Variants in VPS13A observed in about 807,000 individuals in gnomAD.
VPS13A encodes the protein intermembrane lipid transfer protein VPS13A.
A neutral mutation model predicts 390.9 loss-of-function variants in VPS13A; 264 were observed. That is an observed-to-expected ratio of 0.68 (90% CI 0.61 to 0.75). The LOEUF (loss-of-function observed/expected upper bound fraction) is 0.75, where lower values mean the gene tolerates loss of function less well. Ranked by LOEUF, VPS13A falls within the 30% of genes least tolerant of loss-of-function variation. The pLI is 0.00. For synonymous variants in VPS13A, 1,231 were observed against 1,227.1 expected (o/e 1.00, Z -0.07); for missense variants, 3,409 against 3,733.9 (o/e 0.91, Z 2.27).
intron 5 of VPS13A, among the ~76,000 whole-genome samples, chr9:77,207,294 C>T (rs1212703431): frequency 8.3e-6 from 1 of 119,770 alleles, no homozygotes; most frequent in Admixed American, 1.0e-4. Flanking sequence ...TTATCTATAA[C>T]ATAACATATT....
At chr9:77,299,077 G>C (rs1220741560) in intron 33 of VPS13A, among the ~76,000 whole-genome samples, 1 of 152,074 alleles carries the variant, frequency 6.6e-6, no homozygotes, top group African/African-American at 2.4e-5. Flanking sequence ...GTAGATGCGT[G>C]GTGTTATTTC....
chr9:77,214,493 ATAGT>A (rs1313894708), intron 10 of VPS13A, 107 bp downstream of exon 10: 5 of 824,104 alleles, frequency 6.1e-6, no homozygotes, highest in East Asian at 2.9e-5. Flanking sequence ...TTCCTTCTAT[ATAGT>A]TAAATGTATT....
chr9:77,344,008 G>C, intron 50 of VPS13A, 145 bp from the exon 51 acceptor site: 1 of 716,494 alleles, frequency 1.4e-6, no homozygotes, highest in South Asian at 2.1e-5. Context: ...AAAGTTTACA[G>C]CTGTTTAAAC....
At chr9:77,222,719 T>C (rs1823293056) in intron 13 of VPS13A, among the ~76,000 whole-genome samples, 1 of 152,208 alleles carries the variant, frequency 6.6e-6, no homozygotes, top group African/African-American at 2.4e-5. Flanking sequence ...ATCAGTGATC[T>C]TTGCTGTTAC....
chr9:77,343,311 C>T (rs1381436259), intron 50 of VPS13A, among the ~76,000 whole-genome samples: 1 of 152,174 alleles, frequency 6.6e-6, no homozygotes, highest in Non-Finnish European at 1.5e-5. Flanking sequence ...TCCATTAATT[C>T]CATTTTATGG....
chr9:77,255,883 T>G (rs1187553448), intron 22 of VPS13A, among the ~76,000 whole-genome samples: 1 of 152,090 alleles, frequency 6.6e-6, no homozygotes, highest in African/African-American at 2.4e-5. Flanking sequence ...AATTGAGTCT[T>G]TTCTGTTTTT....
At chr9:77,212,917 C>A in intron 7 of VPS13A, 52 bp from the exon 8 acceptor site, 1 of 1,565,694 alleles carries the variant, frequency 6.4e-7, no homozygotes, top group Non-Finnish European at 8.8e-7. Flanking sequence ...TATTACTCTG[C>A]TGTTTCAAAT....
At chr9:77,304,645 A>G (rs1206750912) in intron 34 of VPS13A, among the ~76,000 whole-genome samples, 1 of 152,222 alleles carries the variant, frequency 6.6e-6, no homozygotes, top group African/African-American at 2.4e-5. Flanking sequence ...TAAGTTGAAA[A>G]TGAAAATGGC....
intron 1 of VPS13A, among the ~76,000 whole-genome samples, chr9:77,183,294 A>C (rs769474049): frequency 2.0e-5 from 3 of 152,336 alleles, no homozygotes; most frequent in Admixed American, 6.5e-5. Flanking sequence ...CATGCAGGTA[A>C]CAATCATCAC....
intron 45 of VPS13A, among the ~76,000 whole-genome samples, chr9:77,324,705 A>G (rs11145387): frequency 0.2 from 30,598 of 151,948 alleles, 3,296 homozygotes; most frequent in Middle Eastern, 0.26. Flanking sequence ...CTTTTCTTGA[A>G]TCTTGCTCTG....
chr9:77,239,122 G>GA (rs1409594714), intron 19 of VPS13A, among the ~76,000 whole-genome samples: 1 of 151,344 alleles, frequency 6.6e-6, no homozygotes, highest in Non-Finnish European at 1.5e-5. Context: ...AGAAATACAT[G>GA]AAAAATGCCT....
Position 77,405,898 on chromosome 9 carries a change from C to G in VPS13A, c.9310C>G (p.Gln3104Glu). ...VLFVTKGTFG[Q>E]LTCEWQYSFD... ...GTTTGTAACAAAGGGAACATTTGGA[C>G]AACTCACGTGTGAGTGGCAGTATAG... The change falls in exon 70 of 72, where the codon CAA becomes GAA. Residue 3104 changes from glutamine to glutamate, a missense_variant. Physicochemically the swap from Gln to Glu is conservative, Grantham distance 29. Around this residue, in one of 5 missense-constraint regions of VPS13A, gnomAD observed 318 missense variants for 333.7 expected, o/e 0.95. Coordinates refer to ENST00000360280, the MANE Select transcript of VPS13A (RefSeq NM_033305.3). 2.5e-6 allele frequency: 4 copies of G among 1,613,858 alleles called. No homozygotes were observed. The highest frequency in any genetic ancestry group is 1.1e-5 in the South Asian group (1 of 91,080).
chr9:77,268,755 C>G (rs1165957196), intron 23 of VPS13A, among the ~76,000 whole-genome samples: 2 of 152,042 alleles, frequency 1.3e-5, no homozygotes, highest in Admixed American at 6.5e-5. Context: ...GCCTGGCCAA[C>G]ATGGTGGAAC....
chr9:77,263,437 C>T (rs1465368945), intron 23 of VPS13A, among the ~76,000 whole-genome samples: 1 of 152,138 alleles, frequency 6.6e-6, no homozygotes, highest in Non-Finnish European at 1.5e-5. Flanking sequence ...GACCGACATT[C>T]TAACTGGCAT....
At chr9:77,272,239 G>A (rs1277039882) in intron 23 of VPS13A, among the ~76,000 whole-genome samples, 1 of 152,186 alleles carries the variant, frequency 6.6e-6, no homozygotes, top group Non-Finnish European at 1.5e-5. Context: ...CCTAAGCATT[G>A]TGAGGATATG....
intron 48 of VPS13A, 110 bp from the exon 49 acceptor site, chr9:77,340,068 G>T: frequency 7.5e-7 from 1 of 1,330,738 alleles, no homozygotes; most frequent in East Asian, 2.4e-5. Flanking sequence ...TAAAGGTTTA[G>T]TGCATTAACA....
Position 77,318,400 on chromosome 9 carries a change from A to G in VPS13A, c.5122A>G (p.Lys1708Glu). Residue 1708 changes from lysine (K) to glutamate (E), a missense_variant, in exon 41 of 72, where the codon AAA becomes GAA. By Grantham distance (56) the Lys-to-Glu change is moderately conservative. Around this residue, in one of 5 missense-constraint regions of VPS13A, gnomAD observed 2,717 missense variants for 2,917.4 expected, o/e 0.93. Transcript: ENST00000360280. Reference protein sequence around the residue: ...WFLEESNETEKIAPTTELVPK... With the variant: ...WFLEESNETEEIAPTTELVPK... The stretch of plus-strand genomic sequence containing the variant: ...TCTTGAAGAATCAAATGAAACTGAA[A>G]AAATAGCTCCCACAACTGAATTGGT... 9.3e-6 allele frequency: 15 copies of G among 1,613,926 alleles called. No homozygotes were observed. Among genetic ancestry groups the G allele is most frequent in the Non-Finnish European group, 1.3e-5 (15 of 1,179,908 alleles).
At chr9:77,233,963 C>T (rs1823987958) in intron 17 of VPS13A, among the ~76,000 whole-genome samples, 2 of 152,108 alleles carry the variant, frequency 1.3e-5, no homozygotes, top group Middle Eastern at 3.4e-3. Flanking sequence ...CTAAATATTC[C>T]TCATTTAATG....
chr9:77,322,098 A>G (rs566851483), intron 44 of VPS13A, among the ~76,000 whole-genome samples: 53 of 151,842 alleles, frequency 3.5e-4, no homozygotes, highest in African/African-American at 1.3e-3. Context: ...CACATTTGGT[A>G]TCCGTTGATA....
Sources: gnomAD v4.1 joint callset for allele counts (sites outside exome capture counted in the v4.1 genomes callset) on GRCh38, gnomAD v4.1.1 for gene constraint, gnomAD v4.1.1 regional missense constraint, MANE v1.5 for transcripts, NCBI Gene and HGNC (gene_info 2026-07-23, HGNC 2026-07-21) for gene names.